RGSL1: variants seen among roughly 807,000 people sequenced by gnomAD.
RGSL1 encodes the protein regulator of G protein signaling like 1, also known as regulator of G protein signaling protein-like.
RGSL1 carries 97 observed loss-of-function variants against 124.7 expected under a neutral mutation model. The observed-to-expected ratio is 0.78, with a 90% CI of 0.66 to 0.92. RGSL1 has a LOEUF of 0.92. RGSL1 is among the 40% of genes least tolerant of loss of function. The pLI is 0.00. For missense variants in RGSL1, 1,233 were observed against 1,288.4 expected (o/e 0.96, Z 0.66); for synonymous variants, 424 against 438.1 (o/e 0.97, Z 0.40).
At chr1:182,518,041 T>TGTTG (rs1197467764) in intron 9 of RGSL1, among the ~76,000 whole-genome samples, 1 of 127,194 alleles carries the variant, frequency 7.9e-6, no homozygotes, top group Non-Finnish European at 1.7e-5. Context: ...AGAGGTTTTT[T>TGTTG]GTTGTTTGTT....
chr1:182,533,466 G>A (rs574697871), intron 14 of RGSL1, among the ~76,000 whole-genome samples: 35 of 131,764 alleles, frequency 2.7e-4, no homozygotes, highest in Middle Eastern at 3.8e-3. Context: ...CTACTATGAG[G>A]CAAGCAGTTT....
chr1:182,509,437 GA>G (rs1291376388), intron 9 of RGSL1, among the ~76,000 whole-genome samples: 1 of 33,044 alleles, frequency 3.0e-5, no homozygotes, highest in African/African-American at 1.3e-4. Context: ...TGGCCGGGCA[GA>G]GGGCTGACCC....
At chr1:182,524,293 AT>A (rs1658578123) in intron 10 of RGSL1, among the ~76,000 whole-genome samples, 2 of 3,740 alleles carry the variant, frequency 5.3e-4, no homozygotes, top group Middle Eastern at 0.071. Flanking sequence ...AAATGAGAGT[AT>A]ATAAGGAGTC....
chr1:182,506,075 TCAC>T (rs1277725483), intron 9 of RGSL1, among the ~76,000 whole-genome samples: 29 of 152,210 alleles, frequency 1.9e-4, no homozygotes, highest in Non-Finnish European at 1.8e-4. Flanking sequence ...CTCAATTTAA[TCAC>T]AGATTTAATC....
chr1:182,462,354 CTGCAGGG>C (rs1274488965), intron 4 of RGSL1, among the ~76,000 whole-genome samples: 8 of 152,066 alleles, frequency 5.3e-5, no homozygotes, highest in African/African-American at 1.4e-4. Context: ...CAAGAGAGTC[CTGCAGGG>C]TGAAATGAAA....
rs191567942 is a variant in RGSL1, at chr1:182,455,031, G to A, written c.96+991G>A. Among the ~76,000 whole-genome samples, 6 of 152,246 alleles carry A rather than the reference G, an allele frequency of 3.9e-5. No individual in the cohort carries two copies. The East Asian group carries it at 1.2e-3, about 29-fold the overall frequency. ...CCCCTGGGCTGGGCTTAGTATTGGG[G>A]ATGCACATATTAATGACACCATCCC... On this transcript the variant is annotated intron_variant, in intron 2 of 21. Coordinates refer to ENST00000294854, the MANE Select transcript of RGSL1 (RefSeq NM_001137669.2).
intron 3 of RGSL1, among the ~76,000 whole-genome samples, chr1:182,458,619 A>C (rs896383792): frequency 1.3e-5 from 2 of 152,126 alleles, no homozygotes. Flanking sequence ...ACACAGGCAC[A>C]TGCCACTGTG....
intron 4 of RGSL1, among the ~76,000 whole-genome samples, chr1:182,470,225 A>C (rs1653718261): frequency 6.6e-6 from 1 of 151,986 alleles, no homozygotes; most frequent in South Asian, 2.1e-4. Flanking sequence ...AGATCATATT[A>C]CTCCTTTTCT....
intron 18 of RGSL1, 41 bp from the exon 19 acceptor site, chr1:182,553,414 T>C: frequency 1.4e-6 from 2 of 1,440,162 alleles, no homozygotes; most frequent in South Asian, 1.2e-5. Context: ...CAGTAGGAGT[T>C]GTCGCAGGTG....
intron 9 of RGSL1, among the ~76,000 whole-genome samples, chr1:182,498,314 T>TGCCTCCCAGGTGCGTATAA (rs1449613330): frequency 1.3e-5 from 2 of 152,176 alleles, no homozygotes; most frequent in Non-Finnish European, 2.9e-5. Flanking sequence ...TTTTTGTATA[T>TGCCTCCCAGGTGCGTATAA]GCCTCCCAGG....
At chr1:182,511,209 A>G (rs536985110) in intron 9 of RGSL1, among the ~76,000 whole-genome samples, 1 of 152,278 alleles carries the variant, frequency 6.6e-6, no homozygotes, top group East Asian at 1.9e-4. Flanking sequence ...CTCGTTGCCC[A>G]GGCTGGAGTG....
At chr1:182,541,042 A>G (rs1156735258) in intron 15 of RGSL1, among the ~76,000 whole-genome samples, 3 of 152,316 alleles carry the variant, frequency 2.0e-5, no homozygotes, top group South Asian at 2.1e-4. Flanking sequence ...GTAAAGATCA[A>G]TCAGAGTAAT....
intron 10 of RGSL1, among the ~76,000 whole-genome samples, chr1:182,523,184 A>C: frequency 6.8e-6 from 1 of 146,948 alleles, no homozygotes; most frequent in Non-Finnish European, 1.5e-5. Context: ...CTACAGGCAC[A>C]TGCCACCATG....
In RGSL1 at chr1:182,522,072, A is replaced by C; in HGVS notation, c.1894A>C (p.Lys632Gln). ...CTCAAATAGGAAAATGTCCTTGCTCAAAAGAACTCTTGTAAGGAAGCCATC... is the reference window on the plus strand; with the variant it reads ...CTCAAATAGGAAAATGTCCTTGCTCCAAAGAACTCTTGTAAGGAAGCCATC... ...SRSNRKMSLL[K>Q]RTLVRKPSMR... is the part of the protein sequence containing the mutation. Residue 632 changes from lysine (K) to glutamine (Q), a missense_variant, in exon 10 of 22, where the codon AAA (lysine) becomes CAA (glutamine). Lys to Gln is a moderately conservative substitution (Grantham distance 53). Coordinates refer to ENST00000294854, the MANE Select transcript of RGSL1 (RefSeq NM_001137669.2). The C allele has an allele frequency of 6.5e-7, 1 of 1,550,270 alleles. No individual in the cohort carries two copies. Among genetic ancestry groups the C allele is most frequent in the East Asian group, 2.4e-5 (1 of 40,860 alleles).
At chr1:182,559,162 T>C (rs909634764) in intron 21 of RGSL1, among the ~76,000 whole-genome samples, 14 of 152,352 alleles carry the variant, frequency 9.2e-5, no homozygotes, top group African/African-American at 1.7e-4. Context: ...TGAACTTACC[T>C]TCTTACAACG....
intron 4 of RGSL1, among the ~76,000 whole-genome samples, chr1:182,466,141 G>A (rs749802676): frequency 7.3e-5 from 11 of 151,604 alleles, no homozygotes; most frequent in African/African-American, 2.7e-4. Flanking sequence ...AATGTCCAAC[G>A]AACTAGGATT....
intron 15 of RGSL1, among the ~76,000 whole-genome samples, chr1:182,541,887 G>A (rs2102302977): frequency 6.6e-6 from 1 of 152,224 alleles, no homozygotes; most frequent in Middle Eastern, 3.4e-3. Flanking sequence ...TTTGAGAAAT[G>A]TCTATTCAGA....
At chr1:182,475,656 G>C (rs892408830) in intron 6 of RGSL1, among the ~76,000 whole-genome samples, 2 of 152,048 alleles carry the variant, frequency 1.3e-5, no homozygotes, top group Non-Finnish European at 2.9e-5. Context: ...GGAGGGATTG[G>C]AGAAATAGAT....
chr1:182,510,796 C>T (rs542208267), intron 9 of RGSL1, among the ~76,000 whole-genome samples: 4 of 152,044 alleles, frequency 2.6e-5, no homozygotes, highest in South Asian at 4.1e-4. Flanking sequence ...TTTGCTATTG[C>T]GTTGTTTGAG....
Sources: gnomAD v4.1 joint callset for allele counts (sites outside exome capture counted in the v4.1 genomes callset) on GRCh38, gnomAD v4.1.1 for gene constraint, MANE v1.5 for transcripts, NCBI Gene and HGNC (gene_info 2026-07-23, HGNC 2026-07-21) for gene names.